The following SH3GL2 variants were observed in gnomAD, a reference collection of about 807,000 sequenced individuals.
The protein encoded by SH3GL2 is endophilin-A1.
In SH3GL2, 24 loss-of-function variants were observed where a neutral mutation model predicts 46.0. That is an observed-to-expected ratio of 0.52 (90% CI 0.38 to 0.73). SH3GL2 has a LOEUF of 0.73. SH3GL2 is among the 30% of genes least tolerant of loss of function. The pLI is 0.00. For missense variants in SH3GL2, 413 were observed against 424.2 expected, an observed-to-expected ratio of 0.97 and a Z score of 0.23; for synonymous variants, 196 against 147.1, an observed-to-expected ratio of 1.33 and a Z score of -2.40.
chr9:17,794,124 C>T (rs1484469853), intron 8 of SH3GL2, among the ~76,000 whole-genome samples: 1 of 152,202 alleles, frequency 6.6e-6, no homozygotes, highest in African/African-American at 2.4e-5. Flanking sequence ...GACATTTTAT[C>T]TCAGGAATAT....
intron 3 of SH3GL2, among the ~76,000 whole-genome samples, chr9:17,771,687 CTT>C (rs1823485302): frequency 6.6e-6 from 1 of 152,162 alleles, no homozygotes; most frequent in Admixed American, 6.5e-5. Context: ...AGCACCCAAT[CTT>C]GAGGTGGGAG....
At chr9:17,735,361 GA>G (rs1486014098) in intron 1 of SH3GL2, among the ~76,000 whole-genome samples, 6 of 152,120 alleles carry the variant, frequency 3.9e-5, no homozygotes, top group Non-Finnish European at 8.8e-5. Context: ...TGAATCTATA[GA>G]AAATCCAGAA....
intron 3 of SH3GL2, among the ~76,000 whole-genome samples, chr9:17,765,313 T>A (rs1256516596): frequency 6.8e-6 from 1 of 146,578 alleles, no homozygotes; most frequent in Non-Finnish European, 1.5e-5. Flanking sequence ...ACTTTGGGAG[T>A]ACATCTGTAT....
chr9:17,761,881 T>A (rs914222806), intron 3 of SH3GL2, among the ~76,000 whole-genome samples: 4 of 152,168 alleles, frequency 2.6e-5, no homozygotes, highest in African/African-American at 9.7e-5. Flanking sequence ...TCCCAGAAGA[T>A]GTGAAAAAGT....
At chr9:17,681,042 A>G (rs984960591) in intron 1 of SH3GL2, among the ~76,000 whole-genome samples, 25 of 152,100 alleles carry the variant, frequency 1.6e-4, no homozygotes, top group Admixed American at 7.9e-4. Context: ...GGAGAGCTTT[A>G]CTTCCAACTA....
chr9:17,726,868 A>G (rs936456153), intron 1 of SH3GL2, among the ~76,000 whole-genome samples: 2 of 152,170 alleles, frequency 1.3e-5, no homozygotes, highest in African/African-American at 4.8e-5. Flanking sequence ...ATAAGTTGGT[A>G]TAACTCCTTC....
intron 1 of SH3GL2, among the ~76,000 whole-genome samples, chr9:17,592,735 G>GA (rs200019101): frequency 0.022 from 3,291 of 151,970 alleles, 125 homozygotes; most frequent in African/African-American, 0.075. Context: ...TTTCCTCACA[G>GA]AAAAAAAACC....
At chr9:17,645,244 C>T (rs1371918009) in intron 1 of SH3GL2, among the ~76,000 whole-genome samples, 3 of 135,426 alleles carry the variant, frequency 2.2e-5, no homozygotes, top group Non-Finnish European at 4.6e-5. Context: ...TGTGCTTTTG[C>T]ACATGAGATG....
chr9:17,742,040 A>G (rs1484572755), intron 1 of SH3GL2, among the ~76,000 whole-genome samples: 5 of 152,210 alleles, frequency 3.3e-5, no homozygotes, highest in Admixed American at 6.5e-5. Flanking sequence ...CTGGCTTTGC[A>G]TCATGAATAG....
intron 1 of SH3GL2, among the ~76,000 whole-genome samples, chr9:17,602,201 C>T (rs917212933): frequency 1.3e-5 from 2 of 152,116 alleles, no homozygotes; most frequent in African/African-American, 2.4e-5. Flanking sequence ...ATTTCAACAC[C>T]TTCCTCAGGA....
intron 1 of SH3GL2, among the ~76,000 whole-genome samples, chr9:17,679,443 G>C (rs1445771535): frequency 6.6e-6 from 1 of 152,154 alleles, no homozygotes; most frequent in Non-Finnish European, 1.5e-5. Context: ...TGTTTTTGCT[G>C]TATAAGAATG....
chr9:17,612,475 T>G (rs970288710), intron 1 of SH3GL2, among the ~76,000 whole-genome samples: 1 of 152,204 alleles, frequency 6.6e-6, no homozygotes, highest in African/African-American at 2.4e-5. Flanking sequence ...CAGGTGATTC[T>G]TATGTACATT....
At chr9:17,597,597 A>G (rs1818598006) in intron 1 of SH3GL2, among the ~76,000 whole-genome samples, 1 of 152,098 alleles carries the variant, frequency 6.6e-6, no homozygotes, top group African/African-American at 2.4e-5. Context: ...TTACTTATGT[A>G]TTCTGTATTA....
rs116147288 is a variant in SH3GL2, at chr9:17,588,387, A to G, written c.45+9100A>G. Among the ~76,000 whole-genome samples, 89 of 152,324 alleles carry G rather than the reference A, an allele frequency of 5.8e-4. 1 individual carries two copies. Among genetic ancestry groups the G allele is most frequent in the African/African-American group, 2.1e-3 (89 of 41,574 alleles). ...CCTGAGACTTTTAACTTTGTAAGACAAAAGGGAGATTATATGATTGGACTT... is the reference window on the plus strand; with the variant it reads ...CCTGAGACTTTTAACTTTGTAAGACGAAAGGGAGATTATATGATTGGACTT... On this transcript the variant is annotated intron_variant, in intron 1 of 8. Coordinates refer to ENST00000380607, the MANE Select transcript of SH3GL2 (RefSeq NM_003026.5).
chr9:17,616,457 C>G (rs1015828800), intron 1 of SH3GL2, among the ~76,000 whole-genome samples: 1 of 152,068 alleles, frequency 6.6e-6, no homozygotes, highest in African/African-American at 2.4e-5. Context: ...CCAATATACA[C>G]TGAGCTAATG....
intron 1 of SH3GL2, among the ~76,000 whole-genome samples, chr9:17,630,159 T>C (rs1051337415): frequency 6.6e-6 from 1 of 152,204 alleles, no homozygotes; most frequent in African/African-American, 2.4e-5. Flanking sequence ...ATTCAATGAA[T>C]ATTTTTGAGC....
chr9:17,636,425 G>T (rs1819546683), intron 1 of SH3GL2, among the ~76,000 whole-genome samples: 1 of 152,058 alleles, frequency 6.6e-6, no homozygotes, highest in South Asian at 2.1e-4. Flanking sequence ...AACTGTTTGT[G>T]TACGGAAACC....
At chr9:17,772,545 C>G (rs1434766013) in intron 3 of SH3GL2, among the ~76,000 whole-genome samples, 2 of 152,170 alleles carry the variant, frequency 1.3e-5, no homozygotes, top group Non-Finnish European at 2.9e-5. Context: ...CTTTCTGGCT[C>G]TATGATTTTA....
chr9:17,716,667 A>G (rs77718706), intron 1 of SH3GL2, among the ~76,000 whole-genome samples: 4 of 152,070 alleles, frequency 2.6e-5, no homozygotes, highest in Non-Finnish European at 5.9e-5. Context: ...CATTTTATAG[A>G]TATCTTGGGT....
Sources: gnomAD v4.1 joint callset for allele counts (sites outside exome capture counted in the v4.1 genomes callset) on GRCh38, gnomAD v4.1.1 for gene constraint, MANE v1.5 for transcripts, NCBI Gene and HGNC (gene_info 2026-07-23, HGNC 2026-07-21) for gene names.